CLYBL: variants seen among roughly 807,000 people sequenced by gnomAD.
The protein encoded by CLYBL is citramalyl-CoA lyase, mitochondrial.
Under a neutral mutation model 38.9 loss-of-function variants are expected in CLYBL, and 31 were observed. That is an observed-to-expected ratio of 0.80 (90% CI 0.60 to 1.08). The LOEUF (loss-of-function observed/expected upper bound fraction) is 1.08, where lower values mean the gene tolerates loss of function less well. CLYBL is among the 50% of genes least tolerant of loss of function. The pLI is 0.00. For missense variants in CLYBL, 434 were observed against 411.6 expected, an observed-to-expected ratio of 1.05 and a Z score of -0.47; for synonymous variants, 171 against 158.6, an observed-to-expected ratio of 1.08 and a Z score of -0.59.
chr13:99,880,810 C>G (rs1255430636), intron 7 of CLYBL, among the ~76,000 whole-genome samples: 1 of 152,246 alleles, frequency 6.6e-6, no homozygotes, highest in Admixed American at 6.5e-5. Context: ...CTCTGAGTGA[C>G]AGCCAGAGAG....
chr13:99,744,923 C>G (rs1394260932), intron 1 of CLYBL, among the ~76,000 whole-genome samples: 2 of 152,188 alleles, frequency 1.3e-5, no homozygotes, highest in Non-Finnish European at 2.9e-5. Context: ...GAGTCACAGG[C>G]AGGACCATTT....
intron 1 of CLYBL, among the ~76,000 whole-genome samples, chr13:99,718,258 G>A (rs2048346945): frequency 6.6e-6 from 1 of 152,014 alleles, no homozygotes; most frequent in Non-Finnish European, 1.5e-5. Flanking sequence ...TTATGAAAAG[G>A]GGCATGGGCT....
At chr13:99,872,131 C>G (rs1465899756) in intron 7 of CLYBL, among the ~76,000 whole-genome samples, 1 of 152,132 alleles carries the variant, frequency 6.6e-6, no homozygotes, top group Non-Finnish European at 1.5e-5. Context: ...AAGTGGGCAA[C>G]AATATTAAAT....
At chr13:99,623,958 CA>C (rs754256330) in intron 1 of CLYBL, among the ~76,000 whole-genome samples, 171 of 64,222 alleles carry the variant, frequency 2.7e-3, no homozygotes, top group South Asian at 7.7e-3. Flanking sequence ...GACTCCATCT[CA>C]AAAAAAAAAA....
intron 1 of CLYBL, among the ~76,000 whole-genome samples, chr13:99,755,918 A>G (rs970446212): frequency 6.6e-6 from 1 of 152,178 alleles, no homozygotes; most frequent in African/African-American, 2.4e-5. Flanking sequence ...TGCCCGTGAC[A>G]AGGACTTCAC....
intron 7 of CLYBL, among the ~76,000 whole-genome samples, chr13:99,883,008 G>T (rs942395171): frequency 6.6e-6 from 1 of 152,020 alleles, no homozygotes; most frequent in African/African-American, 2.4e-5. Flanking sequence ...CTTCCCCATC[G>T]TTGGATCCTC....
intron 2 of CLYBL, among the ~76,000 whole-genome samples, chr13:99,775,711 G>A (rs567703986): frequency 1.3e-5 from 2 of 152,114 alleles, no homozygotes; most frequent in Admixed American, 6.5e-5. Flanking sequence ...GTCTTGCTGT[G>A]TTGCCCAGGC....
chr13:99,902,540 T>C (rs2052654278), intron 8 of CLYBL, among the ~76,000 whole-genome samples: 1 of 152,242 alleles, frequency 6.6e-6, no homozygotes, highest in Admixed American at 6.5e-5. Flanking sequence ...AAAGGGCATA[T>C]GTGTTAGATT....
At chr13:99,676,461 T>C (rs1167340830) in intron 1 of CLYBL, among the ~76,000 whole-genome samples, 1 of 151,418 alleles carries the variant, frequency 6.6e-6, no homozygotes, top group Non-Finnish European at 1.5e-5. Context: ...CCACCAGGCC[T>C]GGCTAATTGT....
chr13:99,831,632 T>C (rs1293250790), intron 2 of CLYBL, among the ~76,000 whole-genome samples: 1 of 152,020 alleles, frequency 6.6e-6, no homozygotes, highest in Non-Finnish European at 1.5e-5. Context: ...TGAAGAATAA[T>C]ATTAGATCTT....
intron 1 of CLYBL, among the ~76,000 whole-genome samples, chr13:99,608,872 TTTTTG>T (rs2046577666): frequency 1.7e-5 from 2 of 121,148 alleles, no homozygotes; most frequent in African/African-American, 6.0e-5. Context: ...TTTTTTTTTT[TTTTTG>T]CTTGATTTTC....
At chr13:99,662,205 A>G (rs1458716042) in intron 1 of CLYBL, among the ~76,000 whole-genome samples, 1 of 152,234 alleles carries the variant, frequency 6.6e-6, no homozygotes, top group Non-Finnish European at 1.5e-5. Context: ...AAGTTTTAAA[A>G]GTTTTGGATT....
At chr13:99,813,691 G>T (rs1265230575) in intron 2 of CLYBL, among the ~76,000 whole-genome samples, 1 of 152,168 alleles carries the variant, frequency 6.6e-6, no homozygotes, top group African/African-American at 2.4e-5. Flanking sequence ...ACACAGAGTG[G>T]ATATGAGGAT....
intron 1 of CLYBL, among the ~76,000 whole-genome samples, chr13:99,631,680 C>A (rs1010561905): frequency 2.6e-5 from 4 of 151,864 alleles, no homozygotes; most frequent in Non-Finnish European, 4.4e-5. Flanking sequence ...CTCACTGCAA[C>A]CTCCACCTCC....
chr13:99,606,710 G>T lies in CLYBL; in HGVS notation c.15G>T (p.Leu5=), dbSNP rs1222420781. ...GCGTCGGGAAGATGGCGCTACGTCT[G>T]CTGCGGAGGGCGGCGCGCGGAGCTG... MALR[L]LRRAARGAAA... is the part of the protein sequence containing the mutation. Residue 5 remains leucine (L), a synonymous_variant, in exon 1 of 9, where the codon CTG becomes CTT. Transcript: ENST00000339105. 6.7e-7 allele frequency: 1 copy of T among 1,493,928 alleles called. No individual in the cohort carries two copies. The allele number at this position is 1,493,928 out of a possible 1,614,324, so 92.5% of individuals were successfully genotyped here.
chr13:99,695,117 A>G (rs1391112282), intron 1 of CLYBL, among the ~76,000 whole-genome samples: 1 of 152,170 alleles, frequency 6.6e-6, no homozygotes, highest in African/African-American at 2.4e-5. Flanking sequence ...AACTTTAAAA[A>G]TAAAATATTC....
intron 1 of CLYBL, among the ~76,000 whole-genome samples, chr13:99,628,349 C>T (rs767465640): frequency 5.3e-5 from 8 of 152,184 alleles, no homozygotes; most frequent in Non-Finnish European, 7.3e-5. Context: ...GACTTACTCT[C>T]GGTTTCTTTA....
At chr13:99,781,402 C>G (rs989346284) in intron 2 of CLYBL, among the ~76,000 whole-genome samples, 4 of 151,408 alleles carry the variant, frequency 2.6e-5, no homozygotes, top group African/African-American at 9.7e-5. Flanking sequence ...AATCTCCTGA[C>G]CTCGTGATCT....
intron 2 of CLYBL, among the ~76,000 whole-genome samples, chr13:99,841,067 T>C (rs1384242956): frequency 1.3e-5 from 2 of 152,230 alleles, no homozygotes; most frequent in African/African-American, 4.8e-5. Context: ...CTATAGCCTG[T>C]GTTTCTGCTG....
Sources: allele counts gnomAD v4.1 joint callset (sites outside exome capture counted in the v4.1 genomes callset), GRCh38; gene constraint gnomAD v4.1.1; transcripts MANE v1.5; gene names NCBI Gene and HGNC (gene_info 2026-07-23, HGNC 2026-07-21).